SLC12A5: variants seen among roughly 807,000 people sequenced by gnomAD.
SLC12A5 encodes solute carrier family 12 member 5, also known as K-Cl cotransporter 2.
In SLC12A5, 18 loss-of-function variants were observed where a neutral mutation model predicts 124.0. The observed-to-expected ratio is 0.15, with a 90% CI of 0.10 to 0.22. The LOEUF (loss-of-function observed/expected upper bound fraction) is 0.22, where lower values mean the gene tolerates loss of function less well. Ranked by LOEUF, SLC12A5 falls within the 10% of genes least tolerant of loss-of-function variation. The pLI is 1.00. For missense variants in SLC12A5, 867 were observed against 1,478.7 expected (o/e 0.59, Z 6.78); for synonymous variants, 589 against 568.0 (o/e 1.04, Z -0.53).
chr20:46,049,263 T>C (rs1365652835), intron 16 of SLC12A5, among the ~76,000 whole-genome samples: 2 of 152,182 alleles, frequency 1.3e-5, no homozygotes, highest in Non-Finnish European at 2.9e-5. Flanking sequence ...GGTAGATGGA[T>C]AAGTTTATGT....
Position 46,035,015 on chromosome 20 carries a change from T to C in SLC12A5, c.120T>C (p.Tyr40=), listed in dbSNP as rs1467564564. Residue 40 remains tyrosine (Y), a synonymous_variant, in exon 2 of 26, where the codon TAT becomes TAC. Coordinates refer to ENST00000243964, the MANE Select transcript of SLC12A5 (RefSeq NM_020708.5). ...CCGACACAGAGAAGGGAAAGGAGTA[T>C]GATGGCAAGAACATGGCCTTGTTTG... ...NSTDTEKGKE[Y]DGKNMALFEE... 1 of 1,614,004 alleles carries C rather than the reference T, an allele frequency of 6.2e-7. No homozygotes were observed. The highest frequency in any genetic ancestry group is 2.2e-5 in the East Asian group (1 of 44,876).
exon 2 of SLC12A5, chr20:46,022,948 G>GAGT: frequency 2.9e-6 from 1 of 342,540 alleles, no homozygotes; most frequent in Non-Finnish European, 4.8e-6. Flanking sequence ...GCGAGGGGAG[G>GAGT]AGGAGGAGGA....
At chr20:46,024,798 A>G (rs1030423762), upstream of SLC12A5, among the ~76,000 whole-genome samples, 8 of 152,178 alleles carry the variant, frequency 5.3e-5, no homozygotes, top group South Asian at 1.0e-3. Context: ...GTGTCATGGG[A>G]GATTGATGGT....
In SLC12A5 at chr20:46,037,373, C is replaced by T. The variant is rs1041972061; in HGVS notation, c.600C>T (p.Ile200=). The T allele has an allele frequency of 1.9e-6, 3 of 1,608,604 alleles. No homozygotes were observed. Among genetic ancestry groups the T allele is most frequent in the East Asian group, 2.2e-5 (1 of 44,610 alleles). Residue 200 remains isoleucine, a synonymous_variant, in exon 6 of 26, where the codon ATC becomes ATT. Transcript: ENST00000243964. ...FAGAMYILGT[I]EILLAYLFPA... is the part of the protein sequence containing the mutation. ...GAGCCATGTACATCCTGGGCACCAT[C>T]GAAATCCTGCTGGTAAGAGAGGCTG...
chr20:46,049,636 T>C lies in SLC12A5; in HGVS notation c.2027T>C (p.Val676Ala). The change falls in exon 17 of 26, where the codon GTG becomes GCG. Residue 676 changes from valine (V) to alanine (A), a missense_variant. Val to Ala is a moderately conservative substitution (Grantham distance 64). Coordinates refer to ENST00000243964, the MANE Select transcript of SLC12A5 (RefSeq NM_020708.5). Reference sequence around the variant, plus strand: ...ACACTCTTCAGGCCACAGCTGCTGGTGCTGGTGCGTGTGGACCAAGACCAG... The same window carrying C: ...ACACTCTTCAGGCCACAGCTGCTGGCGCTGGTGCGTGTGGACCAAGACCAG... ...HTKNWRPQLL[V>A]LVRVDQDQNV... 6.2e-7 allele frequency: 1 copy of C among 1,604,336 alleles called. No individual in the cohort carries two copies. Among genetic ancestry groups the C allele is most frequent in the Non-Finnish European group, 8.5e-7 (1 of 1,175,570 alleles).
chr20:46,025,542 G>A (rs1426552408), upstream of SLC12A5, among the ~76,000 whole-genome samples: 1 of 152,150 alleles, frequency 6.6e-6, no homozygotes, highest in Non-Finnish European at 1.5e-5. Flanking sequence ...CTCCAGGTGG[G>A]GTGGGGATCG....
At position 46,057,486 on chromosome 20, in the gene SLC12A5, C is replaced by T. The variant is rs376180583; in HGVS notation, c.3260-28C>T. ...CAATTTCGTCGGGAGGGAAGGAGAC[C>T]GGGTCTTTCTCCTTGACCGGCTCTC... On this transcript the variant is annotated intron_variant, in intron 25 of 25. Transcript: ENST00000243964. This position sits in a 1 kb window ranked among gnomAD's most constrained non-coding sequence, Gnocchi z 7.1. 4.3e-6 allele frequency: 7 copies of T among 1,610,344 alleles called. No homozygotes were observed. In the South Asian group the frequency reaches 4.4e-5, roughly 10 times the overall value.
rs144221764 is a variant in SLC12A5 at position 46,059,085 on chromosome 20, G to A, written c.*1480G>A. On this transcript the variant is annotated 3_prime_UTR_variant, in exon 26 of 26. Transcript: ENST00000243964. ...CGTGCTCTGTCCTTAGAGAAGGCGC[G>A]GTGGCCGGGTTCCCTTCCCCTAGGG... The A allele has an allele frequency of 2.8e-4, 69 of 244,116 alleles. No homozygotes were observed. The East Asian group carries it at 4.6e-3, about 16-fold the overall frequency. The allele number at this position is 244,116 out of a possible 1,614,324, so 15.1% of individuals were successfully genotyped here. A position where few individuals can be genotyped will look rare whatever the true frequency, so the allele number is the denominator to read the frequency against.
chr20:46,036,610 G>A, intron 4 of SLC12A5, 131 bp from the exon 5 acceptor site: 1 of 893,892 alleles, frequency 1.1e-6, no homozygotes, highest in Non-Finnish European at 1.8e-6. Flanking sequence ...GTTGGAACAG[G>A]TCCAGGGAGC....
chr20:46,052,773 T>C (rs1334256059), intron 18 of SLC12A5, among the ~76,000 whole-genome samples, 184 bp from the exon 19 acceptor site: 1 of 152,130 alleles, frequency 6.6e-6, no homozygotes, highest in Non-Finnish European at 1.5e-5. Flanking sequence ...CGTTCCTAGA[T>C]CTAAACAATA....
At chr20:46,029,492 G>C (rs1010393924) in intron 1 of SLC12A5, 96 bp downstream of exon 1, 58 of 1,370,590 alleles carry the variant, frequency 4.2e-5, no homozygotes, top group Non-Finnish European at 5.4e-5. Flanking sequence ...CCTTCAGAGA[G>C]GAGGCTGGGA....
chr20:46,029,489 A>C, intron 1 of SLC12A5, 93 bp downstream of exon 1: 1 of 1,374,224 alleles, frequency 7.3e-7, no homozygotes, highest in Admixed American at 2.3e-5. Flanking sequence ...CCTCCTTCAG[A>C]GAGGAGGCTG....
chr20:46,026,419 T>C (rs1386031774), upstream of SLC12A5, among the ~76,000 whole-genome samples: 2 of 152,214 alleles, frequency 1.3e-5, no homozygotes, highest in African/African-American at 4.8e-5. Context: ...GGTCACTTTT[T>C]ACTGGCCAGT....
upstream of SLC12A5, among the ~76,000 whole-genome samples, chr20:46,025,551 CG>C (rs1167792924): frequency 6.6e-6 from 1 of 151,986 alleles, no homozygotes; most frequent in African/African-American, 2.4e-5. Flanking sequence ...GGGTGGGGAT[CG>C]GGGGGTGAGT....
chr20:46,057,453 C>G lies in SLC12A5; in HGVS notation c.3260-61C>G. 4.4e-6 allele frequency: 7 copies of G among 1,604,038 alleles called. No individual in the cohort carries two copies. The highest frequency in any genetic ancestry group is 1.1e-5 in the South Asian group (1 of 90,872). On this transcript the variant is annotated intron_variant, in intron 25 of 25. Coordinates refer to ENST00000243964, the MANE Select transcript of SLC12A5 (RefSeq NM_020708.5). This position sits in a 1 kb window ranked among gnomAD's most constrained non-coding sequence, Gnocchi z 7.1. ...CGCGAGAGGTCCCCTGGCAGCCGAGCGCGACCCCAATTTCGTCGGGAGGGA... is the reference window on the plus strand; with the variant it reads ...CGCGAGAGGTCCCCTGGCAGCCGAGGGCGACCCCAATTTCGTCGGGAGGGA...
Position 46,056,246 on chromosome 20 carries a change from G to A in SLC12A5, c.2884G>A (p.Asp962Asn). 6.2e-7 allele frequency: 1 copy of A among 1,614,200 alleles called. No individual in the cohort carries two copies. The highest frequency in any genetic ancestry group is 8.5e-7 in the Non-Finnish European group (1 of 1,180,022). Residue 962 changes from aspartate (D) to asparagine (N), a missense_variant, in exon 22 of 26, where the codon GAC becomes AAC. Asp to Asn is a conservative substitution (Grantham distance 23). Coordinates refer to ENST00000243964, the MANE Select transcript of SLC12A5 (RefSeq NM_020708.5). The surrounding 1 kb of genome is among the most constrained non-coding windows in gnomAD (Gnocchi z 4.3). ...RLNVPEETAG[D>N]SEEKPEEEVQ... ...GAACGTCCCAGAAGAGACGGCTGGT[G>A]ACAGTGAAGAGAAGCCAGAGGAGGA...
Position 46,059,431 on chromosome 20 carries a change from G to GTGTT in SLC12A5, c.*1827_*1830dup. 1 of 397,418 alleles carries GTGTT rather than the reference G, an allele frequency of 2.5e-6. No individual in the cohort carries two copies. 24.6% of individuals were successfully genotyped at this position (397,418 alleles called of 1,614,324 possible). A position where few individuals can be genotyped will look rare whatever the true frequency, so the allele number is the denominator to read the frequency against. On this transcript the variant is annotated 3_prime_UTR_variant, in exon 26 of 26. Coordinates refer to ENST00000243964, the MANE Select transcript of SLC12A5 (RefSeq NM_020708.5). ...CAGGTACTCAATCAGGAAGCTGGAG[G>GTGTT]TGTTAGACACCAGCCCCCTGCATCC...
chr20:46,036,867 G>T, intron 5 of SLC12A5, 72 bp downstream of exon 5: 1 of 1,564,794 alleles, frequency 6.4e-7, no homozygotes, highest in Non-Finnish European at 8.8e-7. Flanking sequence ...GGGCTTTGGG[G>T]GACATCAAGG....
At chr20:46,034,538 G>A (rs2084480267) in intron 1 of SLC12A5, among the ~76,000 whole-genome samples, 1 of 152,176 alleles carries the variant, frequency 6.6e-6, no homozygotes, top group Admixed American at 6.5e-5. Context: ...GTCAGAGGGG[G>A]TCACTTCTTC....
Sources: gnomAD v4.1 joint callset for allele counts (sites outside exome capture counted in the v4.1 genomes callset) on GRCh38, gnomAD v4.1.1 for gene constraint, Gnocchi (gnomAD v3.1) non-coding constraint, MANE v1.5 for transcripts, NCBI Gene and HGNC (gene_info 2026-07-23, HGNC 2026-07-21) for gene names.